The following HEATR3 variants were observed in gnomAD, a reference collection of about 807,000 sequenced individuals.
HEATR3 encodes HEAT repeat containing 3, also known as HEAT repeat-containing protein 3.
In HEATR3, 56 loss-of-function variants were observed where a neutral mutation model predicts 72.8. That is an observed-to-expected ratio of 0.77 (90% CI 0.62 to 0.96). The LOEUF (loss-of-function observed/expected upper bound fraction) is 0.96. Ranked by LOEUF, HEATR3 falls within the 40% of genes least tolerant of loss-of-function variation. HEATR3 has a pLI of 0.00. For synonymous variants in HEATR3, 331 were observed against 318.1 expected, an observed-to-expected ratio of 1.04 and a Z score of -0.43; for missense variants, 747 against 831.4, an observed-to-expected ratio of 0.90 and a Z score of 1.25.
chr16:50,069,862 T>C (rs1233966006), intron 3 of HEATR3, among the ~76,000 whole-genome samples: 1 of 152,180 alleles, frequency 6.6e-6, no homozygotes, highest in African/African-American at 2.4e-5. Flanking sequence ...ACCTACCTCA[T>C]AGGTTTATTG....
At chr16:50,070,816 C>T (rs181985180) in intron 4 of HEATR3, among the ~76,000 whole-genome samples, 1 of 152,308 alleles carries the variant, frequency 6.6e-6, no homozygotes, top group East Asian at 1.9e-4. Flanking sequence ...CTTTCCTCTC[C>T]AGTCATTGCA....
chr16:50,081,176 A>T (rs770922954), intron 7 of HEATR3, among the ~76,000 whole-genome samples: 4 of 152,228 alleles, frequency 2.6e-5, no homozygotes, highest in Non-Finnish European at 5.9e-5. Flanking sequence ...GTGGTGGCTC[A>T]CGCCTATAAT....
At chr16:50,094,666 G>T in intron 11 of HEATR3, 39 bp from the exon 12 acceptor site, 1 of 1,254,874 alleles carries the variant, frequency 8.0e-7, no homozygotes, top group South Asian at 1.4e-5. Flanking sequence ...AGCCTATCTT[G>T]GAGAAATGCA....
At position 50,066,044 on chromosome 16, in the gene HEATR3, G is replaced by T. The variant is rs1398869079; in HGVS notation, c.-88G>T. ...CGTCAGCCGGCCCAGCTGAGCAGCA[G>T]CAACGGACCTTGTTAACGGCGCGGC... is the stretch of plus-strand genomic sequence containing the variant. On this transcript the variant is annotated 5_prime_UTR_variant, in exon 1 of 15. Coordinates refer to ENST00000299192, the MANE Select transcript of HEATR3 (RefSeq NM_182922.4). 2 of 1,340,522 alleles carry T rather than the reference G, an allele frequency of 1.5e-6. No homozygotes were observed. Among genetic ancestry groups the T allele is most frequent in the African/African-American group, 3.1e-5 (2 of 65,562 alleles). 83.0% of individuals were successfully genotyped at this position (1,340,522 alleles called of 1,614,324 possible). A position where few individuals can be genotyped will look rare whatever the true frequency, so the allele number is the denominator to read the frequency against.
chr16:50,073,998 T>C (rs2036668928), intron 5 of HEATR3: 1 of 152,240 alleles, frequency 6.6e-6, no homozygotes, highest in Admixed American at 6.5e-5. Flanking sequence ...GTAGCAGTCA[T>C]GGCTGTTGGC....
chr16:50,104,200 A>C lies in HEATR3; in HGVS notation c.1921-739A>C, dbSNP rs578080443. ...CCCCACCTCTACTAAAAATTTAAAA[A>C]AATTACTCCAGCATGGTAGTGCGCT... On this transcript the variant is annotated intron_variant, in intron 14 of 14. Coordinates refer to ENST00000299192, the MANE Select transcript of HEATR3 (RefSeq NM_182922.4). Among the ~76,000 whole-genome samples, 309 of 152,122 alleles carry C rather than the reference A, an allele frequency of 2.0e-3. 1 individual carries two copies. The highest frequency in any genetic ancestry group is 3.5e-3 in the Non-Finnish European group (235 of 67,982).
At chr16:50,100,418 T>C in intron 13 of HEATR3, 45 bp downstream of exon 13, 1 of 1,577,422 alleles carries the variant, frequency 6.3e-7, no homozygotes, top group South Asian at 1.1e-5. Context: ...TAATTAGAAA[T>C]GGGAGAAGAA....
intron 12 of HEATR3, among the ~76,000 whole-genome samples, chr16:50,098,093 G>GT (rs2037284399): frequency 1.3e-5 from 2 of 152,132 alleles, no homozygotes; most frequent in African/African-American, 4.8e-5. Flanking sequence ...GACAAAAATA[G>GT]TAAGTTTATC....
At chr16:50,097,127 A>G (rs566043938) in intron 12 of HEATR3, among the ~76,000 whole-genome samples, 41 of 152,160 alleles carry the variant, frequency 2.7e-4, no homozygotes, top group African/African-American at 9.9e-4. Context: ...ATTTTTTGGC[A>G]AGAATAATTT....
intron 2 of HEATR3, chr16:50,066,748 G>T: frequency 2.3e-6 from 1 of 433,854 alleles, no homozygotes; most frequent in African/African-American, 2.0e-5. Flanking sequence ...TTCACCTGCA[G>T]CGTCCACCTG....
At chr16:50,068,892 A>G (rs752136929) in intron 3 of HEATR3, 25 bp downstream of exon 3, 4 of 1,563,832 alleles carry the variant, frequency 2.6e-6, no homozygotes, top group Non-Finnish European at 3.5e-6. Context: ...CAGTATCTTG[A>G]TGGTAGCTTT....
chr16:50,100,431 G>A (rs955800381), intron 13 of HEATR3, 58 bp downstream of exon 13: 1 of 1,537,294 alleles, frequency 6.5e-7, no homozygotes, highest in South Asian at 1.1e-5. Flanking sequence ...GAGAAGAACT[G>A]TTGGTGTAGG....
At chr16:50,073,458 C>A (rs1292172557) in intron 5 of HEATR3, 2 of 152,118 alleles carry the variant, frequency 1.3e-5, no homozygotes, top group Admixed American at 6.5e-5. Context: ...AGTGTATTCC[C>A]CTGACTGCTG....
Position 50,070,190 on chromosome 16 carries a change from C to T in HEATR3, c.412C>T (p.Leu138=). 5.7e-6 allele frequency: 9 copies of T among 1,588,516 alleles called. No individual in the cohort carries two copies. The highest frequency in any genetic ancestry group is 7.8e-6 in the Non-Finnish European group (9 of 1,160,442). ...VALLKECSAG[L]DSNEMSLQEK... Reference sequence around the variant, plus strand: ...TATTTGGTTACAGTGTAGTGCTGGACTGGATTCAAATGAGATGTCTCTGCA... The same window carrying T: ...TATTTGGTTACAGTGTAGTGCTGGATTGGATTCAAATGAGATGTCTCTGCA... The change falls in exon 4 of 15, where the codon CTG becomes TTG. Residue 138 remains leucine (L), a synonymous_variant. Transcript: ENST00000299192.
chr16:50,084,710 G>A (rs2036950171), intron 10 of HEATR3, 59 bp downstream of exon 10: 2 of 1,319,630 alleles, frequency 1.5e-6, no homozygotes, highest in East Asian at 4.6e-5. Context: ...GAAATGATGG[G>A]CTATTAAATA....
Position 50,086,347 on chromosome 16 carries a change from A to G in HEATR3, c.1506A>G (p.Gln502=). Residue 502 remains glutamine, a synonymous_variant, in exon 11 of 15, where the codon CAA becomes CAG. Transcript: ENST00000299192. ...AQHLSQLLFS[Q]PDFAKHVDFL... ...ATCTGTCACAGCTGCTTTTTTCTCA[A>G]CCAGGTATTTAGACTTTATTGCGAA... 1.2e-6 allele frequency: 2 copies of G among 1,604,420 alleles called. No individual in the cohort carries two copies. The highest frequency in any genetic ancestry group is 2.7e-5 in the African/African-American group (2 of 74,868).
chr16:50,102,506 C>T lies in HEATR3; in HGVS notation c.1920+71C>T, dbSNP rs371267805. 52 of 1,352,364 alleles carry T rather than the reference C, an allele frequency of 3.8e-5. 2 individuals are homozygous for T. The highest frequency in any genetic ancestry group is 3.3e-4 in the African/African-American group (23 of 69,238). 83.8% of individuals were successfully genotyped at this position (1,352,364 alleles called of 1,614,324 possible). The stretch of plus-strand genomic sequence containing the variant: ...TGGGGACAAGGGTGTGTGTAGTTAC[C>T]GCTGTGCAACTCAGAAGCATGTGCA... On this transcript the variant is annotated intron_variant, in intron 14 of 14. Coordinates refer to ENST00000299192, the MANE Select transcript of HEATR3 (RefSeq NM_182922.4).
chr16:50,086,367 T>C lies in HEATR3; in HGVS notation c.1510+16T>C, dbSNP rs368765630. 400 of 1,601,346 alleles carry C rather than the reference T, an allele frequency of 2.5e-4. No homozygotes were observed. The highest frequency in any genetic ancestry group is 4.9e-4 in the Admixed American group (28 of 57,486). ...TCTCAACCAGGTATTTAGACTTTAT[T>C]GCGAAAGACTACGCAGACGGAACAG... is the stretch of plus-strand genomic sequence containing the variant. On this transcript the variant is annotated intron_variant, in intron 11 of 14. Transcript: ENST00000299192.
chr16:50,079,096 A>G, intron 7 of HEATR3, 78 bp downstream of exon 7: 2 of 1,421,286 alleles, frequency 1.4e-6, no homozygotes, highest in South Asian at 2.7e-5. Context: ...GGCTTTGCAG[A>G]AAAATGTTAT....
Sources: allele counts gnomAD v4.1 joint callset (sites outside exome capture counted in the v4.1 genomes callset), GRCh38; gene constraint gnomAD v4.1.1; transcripts MANE v1.5; gene names NCBI Gene and HGNC (gene_info 2026-07-23, HGNC 2026-07-21).